Variants in DNAH7 observed in about 807,000 individuals in gnomAD.
DNAH7 encodes dynein axonemal heavy chain 7, also known as axonemal beta dynein heavy chain 7.
DNAH7 carries 397 observed loss-of-function variants against 444.6 expected under a neutral mutation model. The observed-to-expected ratio is 0.89, with a 90% CI of 0.82 to 0.97. The LOEUF is 0.97. DNAH7 is among the 50% of genes least tolerant of loss of function. DNAH7 has a pLI of 0.00. For synonymous variants in DNAH7, 1,636 were observed against 1,624.4 expected (o/e 1.01, Z -0.17); for missense variants, 4,902 against 4,800.8 (o/e 1.02, Z -0.62).
chr2:195,984,440 C>T (rs563863214), intron 15 of DNAH7, among the ~76,000 whole-genome samples, 192 bp downstream of exon 15: 4 of 152,170 alleles, frequency 2.6e-5, no homozygotes, highest in South Asian at 2.1e-4. Flanking sequence ...CTCTGCCTCC[C>T]GGGTTCAACC....
intron 10 of DNAH7, among the ~76,000 whole-genome samples, chr2:196,002,114 T>C (rs1391750229): frequency 2.0e-5 from 3 of 152,246 alleles, no homozygotes; most frequent in Non-Finnish European, 4.4e-5. Flanking sequence ...CCTGGAACTA[T>C]GGCTCCTGAC....
In DNAH7 at chr2:195,799,282, C is replaced by G. The variant is rs1371401541; in HGVS notation, c.10353+14G>C. ...TTAAAATAATATCCGATAACTTCAT[C>G]TATTGTAAGGTACCTGGTCATCAGC... On this transcript the variant is annotated intron_variant, in intron 55 of 64. Coordinates refer to ENST00000312428, the MANE Select transcript of DNAH7 (RefSeq NM_018897.3). 4.0e-6 allele frequency: 6 copies of G among 1,484,500 alleles called. No individual in the cohort carries two copies. Among genetic ancestry groups the G allele is most frequent in the Non-Finnish European group, 5.4e-6 (6 of 1,114,078 alleles). The allele number at this position is 1,484,500 out of a possible 1,614,324, so 92.0% of individuals were successfully genotyped here. A position where few individuals can be genotyped will look rare whatever the true frequency, so the allele number is the denominator to read the frequency against.
At chr2:195,995,708 G>A (rs919097485) in intron 12 of DNAH7, 1 of 178,766 alleles carries the variant, frequency 5.6e-6, no homozygotes, top group Non-Finnish European at 1.2e-5. Context: ...GGGCAGATGC[G>A]AGGGCGCTGG....
intron 44 of DNAH7, among the ~76,000 whole-genome samples, chr2:195,856,368 T>A (rs1182397547): frequency 1.3e-5 from 2 of 152,116 alleles, no homozygotes; most frequent in Admixed American, 1.3e-4. Context: ...CTTAAAAAAA[T>A]CCTAGAATAC....
chr2:196,046,488 T>C (rs1293424898), intron 5 of DNAH7, among the ~76,000 whole-genome samples: 1 of 152,130 alleles, frequency 6.6e-6, no homozygotes, highest in African/African-American at 2.4e-5. Flanking sequence ...TTGATTTGGG[T>C]GTTGATCATA....
intron 61 of DNAH7, 58 bp from the exon 62 acceptor site, chr2:195,756,343 A>G: frequency 2.1e-6 from 3 of 1,395,596 alleles, no homozygotes; most frequent in Non-Finnish European, 2.9e-6. Context: ...GATTATAAGC[A>G]ACCACCTTTT....
intron 51 of DNAH7, among the ~76,000 whole-genome samples, chr2:195,814,855 C>T (rs1697149507): frequency 6.6e-6 from 1 of 151,982 alleles, no homozygotes; most frequent in South Asian, 2.1e-4. Flanking sequence ...ATCCTCCCAC[C>T]TCAGCCTCCC....
Position 195,980,826 on chromosome 2 carries a change from A to AC in DNAH7, c.1833+3805dup, listed in dbSNP as rs927812339. 4.0e-5 allele frequency among the ~76,000 whole-genome samples: 6 copies of AC among 151,094 alleles called. No homozygotes were observed. The South Asian group carries it at 1.2e-3, about 31-fold the overall frequency. ...ACATTGCTTCATGATAAAAAAAAAA[A>AC]CCCTCAAAAATTGTGCACAGGAGGA... On this transcript the variant is annotated intron_variant, in intron 15 of 64. Transcript: ENST00000312428.
At chr2:195,815,050 A>AT (rs769017525) in intron 51 of DNAH7, among the ~76,000 whole-genome samples, 49 of 145,000 alleles carry the variant, frequency 3.4e-4, no homozygotes, top group African/African-American at 8.1e-4. Context: ...GCTGGGGATA[A>AT]TTTTTTTTTT....
chr2:195,852,009 G>A lies in DNAH7; in HGVS notation c.8781+1334C>T, dbSNP rs559107351. Among the ~76,000 whole-genome samples the A allele has an allele frequency of 1.4e-3, 209 of 152,058 alleles. 2 individuals carry two copies. The highest frequency in any genetic ancestry group is 4.1e-3 in the African/African-American group (169 of 41,472). On this transcript the variant is annotated intron_variant, in intron 46 of 64. Coordinates refer to ENST00000312428, the MANE Select transcript of DNAH7 (RefSeq NM_018897.3). ...CACGGTGGCTCACGCCTGTAATCCC[G>A]GCACTTTGGGAGGGCAAGGTGGGCA...
intron 54 of DNAH7, among the ~76,000 whole-genome samples, chr2:195,802,447 T>A (rs1269677480): frequency 4.0e-5 from 6 of 151,272 alleles, no homozygotes; most frequent in Non-Finnish European, 8.9e-5. Context: ...TTGCAATGAG[T>A]CGAGATTATG....
In DNAH7 at chr2:195,818,052, G is replaced by A. The variant is rs370840862; in HGVS notation, c.9292-223C>T. Among the ~76,000 whole-genome samples, 44 of 152,238 alleles carry A rather than the reference G, an allele frequency of 2.9e-4. 9 individuals are homozygous for A. The highest frequency in any genetic ancestry group is 2.7e-3 in the Admixed American group (42 of 15,290). ...ATAGTCAAAAATCTAATACCTCAAA[G>A]GGTTTGTTTGGTGATCAACTTATTC... On this transcript the variant is annotated intron_variant, in intron 49 of 64. Coordinates refer to ENST00000312428, the MANE Select transcript of DNAH7 (RefSeq NM_018897.3).
At chr2:196,061,714 G>A (rs934023752) in intron 1 of DNAH7, among the ~76,000 whole-genome samples, 1 of 152,034 alleles carries the variant, frequency 6.6e-6, no homozygotes, top group African/African-American at 2.4e-5. Context: ...GAGAGATCGG[G>A]GTGGAGAAAA....
intron 3 of DNAH7, among the ~76,000 whole-genome samples, chr2:196,049,109 T>C (rs2889144): frequency 0.053 from 8,056 of 152,250 alleles, 710 homozygotes; most frequent in African/African-American, 0.18. Context: ...GTAAAATCTA[T>C]ATATTTTTAG....
At chr2:196,068,644 C>G in intron 1 of DNAH7, 53 bp downstream of exon 1, 4 of 1,549,154 alleles carry the variant, frequency 2.6e-6, no homozygotes, top group African/African-American at 1.4e-5. Flanking sequence ...ACTTCCGAAA[C>G]GCCTGGGAAG....
intron 63 of DNAH7, among the ~76,000 whole-genome samples, chr2:195,741,370 A>G (rs1333240816): frequency 2.0e-5 from 3 of 152,344 alleles, no homozygotes; most frequent in Admixed American, 2.0e-4. Flanking sequence ...AGCTCTCCTT[A>G]GTCTGTTGAT....
chr2:195,907,106 C>T, intron 25 of DNAH7, 97 bp from the exon 26 acceptor site: 1 of 910,888 alleles, frequency 1.1e-6, no homozygotes, highest in Non-Finnish European at 1.6e-6. Flanking sequence ...GATTTAATAT[C>T]CTGTCAAAGA....
chr2:195,756,725 G>C (rs1051361443), intron 61 of DNAH7, among the ~76,000 whole-genome samples: 4 of 152,072 alleles, frequency 2.6e-5, no homozygotes, highest in African/African-American at 9.7e-5. Context: ...CAGGCAAGGT[G>C]GCTCATGCCT....
chr2:195,983,182 CTT>C (rs1692688715), intron 15 of DNAH7, among the ~76,000 whole-genome samples: 1 of 151,878 alleles, frequency 6.6e-6, no homozygotes, highest in South Asian at 2.1e-4. Context: ...ACCACAAAAA[CTT>C]AATGTTATAA....
Sources: gnomAD v4.1 joint callset for allele counts (sites outside exome capture counted in the v4.1 genomes callset) on GRCh38, gnomAD v4.1.1 for gene constraint, MANE v1.5 for transcripts, NCBI Gene and HGNC (gene_info 2026-07-23, HGNC 2026-07-21) for gene names.